The following TMEM255B variants were observed in gnomAD, a reference collection of about 807,000 sequenced individuals.
TMEM255B encodes family with sequence similarity 70, member B.
In TMEM255B, 35 loss-of-function variants were observed where a neutral mutation model predicts 34.5. The ratio of observed to expected loss-of-function variants is 1.01; its 90% CI spans 0.77 to 1.34. The LOEUF is 1.34. TMEM255B is among the 40% of genes most tolerant of loss of function. TMEM255B has a pLI of 0.00. For missense variants in TMEM255B, 432 were observed against 433.2 expected, an observed-to-expected ratio of 1.00 and a Z score of 0.02; for synonymous variants, 206 against 201.2, an observed-to-expected ratio of 1.02 and a Z score of -0.20.
intron 3 of TMEM255B, among the ~76,000 whole-genome samples, chr13:113,774,933 C>T (rs1161182310): frequency 6.7e-6 from 1 of 149,202 alleles, no homozygotes; most frequent in African/African-American, 2.5e-5. Flanking sequence ...ACTACTCACA[C>T]CACACACACT....
At chr13:113,804,767 G>A (rs890211609) in intron 7 of TMEM255B, 118 bp from the exon 8 acceptor site, 75 of 766,962 alleles carry the variant, frequency 9.8e-5, no homozygotes, top group Non-Finnish European at 1.2e-4. Flanking sequence ...ACGCCGGGCC[G>A]GGGTTAGTTC....
At chr13:113,805,800 G>A (rs546811581) in intron 8 of TMEM255B, among the ~76,000 whole-genome samples, 1 of 152,134 alleles carries the variant, frequency 6.6e-6, no homozygotes, top group East Asian at 1.9e-4. Context: ...GTGTGCCCCC[G>A]GGGACACAGT....
chr13:113,766,848 G>A (rs752470968), intron 2 of TMEM255B, among the ~76,000 whole-genome samples: 1 of 152,214 alleles, frequency 6.6e-6, no homozygotes, highest in Non-Finnish European at 1.5e-5. Context: ...GAACAGTAAG[G>A]CGGCGAGGTA....
At chr13:113,766,563 G>A (rs1050525841) in intron 2 of TMEM255B, 1 of 442,566 alleles carries the variant, frequency 2.3e-6, no homozygotes, top group Non-Finnish European at 4.2e-6. Flanking sequence ...GAGGGCAGGA[G>A]GGGGGCCAGA....
At chr13:113,800,032 C>G in intron 5 of TMEM255B, 1 of 1,220,912 alleles carries the variant, frequency 8.2e-7, no homozygotes, top group South Asian at 1.4e-5. Context: ...GCCAGCTTGT[C>G]TGGGACTCTC....
chr13:113,794,547 C>T (rs1321512995), intron 3 of TMEM255B, among the ~76,000 whole-genome samples: 5 of 152,114 alleles, frequency 3.3e-5, no homozygotes, highest in Non-Finnish European at 7.4e-5. Context: ...AAAAGAATGA[C>T]AGCACCCGCC....
At chr13:113,789,210 C>G (rs145168964) in intron 3 of TMEM255B, among the ~76,000 whole-genome samples, 509 of 149,558 alleles carry the variant, frequency 3.4e-3, no homozygotes, top group African/African-American at 0.012. Flanking sequence ...AATGTAAACT[C>G]TGAGAGCAGA....
At position 113,808,792 on chromosome 13, in the gene TMEM255B, T is replaced by TGGC. The variant is rs1555302321; in HGVS notation, c.814-2942_814-2941insCGG. The stretch of plus-strand genomic sequence containing the variant: ...TCTGGCGGTGTAACTCTGTGGTTCC[T>TGGC]GGGGGGGGGGTTACTCCATGTTTCC... On this transcript the variant is annotated intron_variant, in intron 8 of 8. Coordinates refer to ENST00000375353, the MANE Select transcript of TMEM255B (RefSeq NM_182614.4). Among the ~76,000 whole-genome samples, 4 of 38,484 alleles carry TGGC rather than the reference T, an allele frequency of 1.0e-4. 1 individual carries two copies. The East Asian group carries it at 5.8e-3, about 56-fold the overall frequency. 25.2% of individuals were successfully genotyped at this position (38,484 alleles called of 152,430 possible).
intron 3 of TMEM255B, among the ~76,000 whole-genome samples, chr13:113,776,564 G>A (rs1049785235): frequency 1.3e-5 from 2 of 152,332 alleles, no homozygotes; most frequent in African/African-American, 2.4e-5. Context: ...TCCGTCCCAC[G>A]GCCACAGTGG....
chr13:113,792,026 C>G (rs966285022), intron 3 of TMEM255B, among the ~76,000 whole-genome samples: 3 of 152,350 alleles, frequency 2.0e-5, no homozygotes, highest in Non-Finnish European at 4.4e-5. Context: ...GGCCCCAGAG[C>G]TGGGGACGCG....
chr13:113,766,914 GT>G (rs2050401955), intron 2 of TMEM255B, among the ~76,000 whole-genome samples: 1 of 152,154 alleles, frequency 6.6e-6, no homozygotes, highest in African/African-American at 2.4e-5. Flanking sequence ...AAGTATCAAG[GT>G]TTTTTGAACT....
intron 2 of TMEM255B, among the ~76,000 whole-genome samples, chr13:113,767,847 C>T (rs1040361732): frequency 3.9e-5 from 6 of 152,084 alleles, no homozygotes; most frequent in African/African-American, 7.2e-5. Context: ...AAAAATAAAA[C>T]GTAGTGTAAC....
chr13:113,804,987 G>A lies in TMEM255B; in HGVS notation c.772G>A (p.Glu258Lys), dbSNP rs557726431. ...CTACGCAGGCTTCCGCCTGACGCCCGAGCCCGTCCCGACCTGCTCGTCCTA... is the reference window on the plus strand; with the variant it reads ...CTACGCAGGCTTCCGCCTGACGCCCAAGCCCGTCCCGACCTGCTCGTCCTA... ...LAYAGFRLTP[E>K]PVPTCSSYPL... is the part of the protein sequence containing the mutation. Residue 258 changes from glutamate to lysine, a missense_variant, in exon 8 of 9, where the codon GAG becomes AAG. By Grantham distance (56) the Glu-to-Lys change is moderately conservative. Coordinates refer to ENST00000375353, the MANE Select transcript of TMEM255B (RefSeq NM_182614.4). The A allele has an allele frequency of 1.1e-5, 17 of 1,606,594 alleles. No individual in the cohort carries two copies. Among genetic ancestry groups the A allele is most frequent in the Non-Finnish European group, 1.4e-5 (16 of 1,179,578 alleles).
chr13:113,789,316 C>T (rs2050790985), intron 3 of TMEM255B, among the ~76,000 whole-genome samples: 1 of 152,230 alleles, frequency 6.6e-6, no homozygotes, highest in Non-Finnish European at 1.5e-5. Context: ...GGCTCCAGTG[C>T]AGGGACAGAG....
Position 113,800,965 on chromosome 13 carries a change from T to C in TMEM255B, c.509+53T>C, listed in dbSNP as rs148763547. The C allele has an allele frequency of 6.6e-3, 7,442 of 1,128,752 alleles. 276 individuals are homozygous for C. The African/African-American group carries it at 0.12, about 18-fold the overall frequency. The allele number at this position is 1,128,752 out of a possible 1,614,324, so 69.9% of individuals were successfully genotyped here. On this transcript the variant is annotated intron_variant, in intron 6 of 8. Transcript: ENST00000375353. Reference sequence around the variant, plus strand: ...TACACCTGCGGGAGGTGAGGGGCGCTGGGGACCCCCGTATCTACACCTGCG... The same window carrying C: ...TACACCTGCGGGAGGTGAGGGGCGCCGGGGACCCCCGTATCTACACCTGCG...
chr13:113,770,360 A>G lies in TMEM255B; in HGVS notation c.252+1200A>G, dbSNP rs2050457984. Among the ~76,000 whole-genome samples, 1 of 152,182 alleles carries G rather than the reference A, an allele frequency of 6.6e-6. No homozygotes were observed. Among genetic ancestry groups the G allele is most frequent in the Non-Finnish European group, 1.5e-5 (1 of 68,032 alleles). ...AACTGCCTTCCACCAGGTCCCTCCCACAACACATGAGGATCCAAGATGAGA... is the reference window on the plus strand; with the variant it reads ...AACTGCCTTCCACCAGGTCCCTCCCGCAACACATGAGGATCCAAGATGAGA... On this transcript the variant is annotated intron_variant, in intron 3 of 8. Coordinates refer to ENST00000375353, the MANE Select transcript of TMEM255B (RefSeq NM_182614.4). This position sits in a 1 kb window ranked among gnomAD's most constrained non-coding sequence, Gnocchi z 4.6.
At chr13:113,782,681 G>C (rs2050683461) in intron 3 of TMEM255B, among the ~76,000 whole-genome samples, 1 of 151,596 alleles carries the variant, frequency 6.6e-6, no homozygotes, top group South Asian at 2.1e-4. Context: ...TCGGAGGGGG[G>C]GGCTTCATTA....
chr13:113,772,715 A>T (rs545723211), intron 3 of TMEM255B, among the ~76,000 whole-genome samples: 1 of 152,326 alleles, frequency 6.6e-6, no homozygotes, highest in African/African-American at 2.4e-5. Context: ...TTAATTGGCC[A>T]TACATATATG....
At chr13:113,803,988 C>G (rs1482804593) in intron 7 of TMEM255B, among the ~76,000 whole-genome samples, 1 of 24,350 alleles carries the variant, frequency 4.1e-5, no homozygotes, top group Non-Finnish European at 7.6e-5. Context: ...CTGGCTTCCC[C>G]GCCTTTGCCA....
Sources: allele counts gnomAD v4.1 joint callset (sites outside exome capture counted in the v4.1 genomes callset), GRCh38; gene constraint gnomAD v4.1.1; non-coding constraint Gnocchi (gnomAD v3.1); transcripts MANE v1.5; gene names NCBI Gene and HGNC (gene_info 2026-07-23, HGNC 2026-07-21).